The following CA10 variants were observed in gnomAD, a reference collection of about 807,000 sequenced individuals.
CA10 encodes the protein carbonic anhydrase-related protein 10.
In CA10, 14 loss-of-function variants were observed where a neutral mutation model predicts 44.2. That is an observed-to-expected ratio of 0.32 (90% CI 0.21 to 0.50). The LOEUF (loss-of-function observed/expected upper bound fraction) is 0.50, where lower values mean the gene tolerates loss of function less well. Among genes scored for constraint, CA10 ranks in the 20% least tolerant of loss-of-function variants. The pLI is 0.99. For missense variants in CA10, 350 were observed against 409.7 expected, an observed-to-expected ratio of 0.85 and a Z score of 1.26; for synonymous variants, 159 against 141.6, an observed-to-expected ratio of 1.12 and a Z score of -0.87.
intron 3 of CA10, among the ~76,000 whole-genome samples, chr17:51,836,226 A>G (rs1009125630): frequency 6.6e-6 from 1 of 152,226 alleles, no homozygotes; most frequent in African/African-American, 2.4e-5. Context: ...AAAGCAAGGC[A>G]TCCTGTCTAT....
chr17:51,934,128 T>A (rs1982772672), intron 2 of CA10, among the ~76,000 whole-genome samples: 3 of 152,154 alleles, frequency 2.0e-5, no homozygotes, highest in Non-Finnish European at 4.4e-5. Context: ...CCTGAACTGC[T>A]ATCTAAGTTT....
At chr17:51,695,346 GT>G (rs764587613) in intron 4 of CA10, among the ~76,000 whole-genome samples, 7 of 151,472 alleles carry the variant, frequency 4.6e-5, no homozygotes, top group Non-Finnish European at 7.4e-5. Context: ...GTTTTGTTTT[GT>G]TTTTGTTTTT....
At chr17:52,072,529 T>C in intron 1 of CA10, 136 bp from the exon 2 acceptor site, 1 of 478,682 alleles carries the variant, frequency 2.1e-6, no homozygotes, top group Non-Finnish European at 3.5e-6. Context: ...GAACCTTCCT[T>C]CTCCCTTCCC....
chr17:51,667,442 C>G (rs1004371335), intron 4 of CA10, among the ~76,000 whole-genome samples: 2 of 152,146 alleles, frequency 1.3e-5, no homozygotes, highest in African/African-American at 4.8e-5. Flanking sequence ...TTTAAAACAG[C>G]CCTTGTGGTA....
intron 2 of CA10, among the ~76,000 whole-genome samples, chr17:52,045,225 T>C (rs1986879258): frequency 6.6e-6 from 1 of 150,820 alleles, no homozygotes; most frequent in Admixed American, 6.6e-5. Flanking sequence ...ACACATTTTA[T>C]AAATAAAGGT....
At chr17:51,764,595 T>G (rs1905302182) in intron 3 of CA10, among the ~76,000 whole-genome samples, 1 of 152,166 alleles carries the variant, frequency 6.6e-6, no homozygotes, top group Admixed American at 6.5e-5. Context: ...TGCCCACAAC[T>G]GCGGTTCCCC....
At chr17:52,132,139 A>T (rs187789550) in intron 1 of CA10, among the ~76,000 whole-genome samples, 1 of 152,192 alleles carries the variant, frequency 6.6e-6, no homozygotes, top group East Asian at 1.9e-4. Context: ...CATAGGGCAC[A>T]TTATGTACAT....
intron 7 of CA10, among the ~76,000 whole-genome samples, chr17:51,634,182 G>T (rs1405726042): frequency 6.6e-6 from 1 of 152,260 alleles, no homozygotes; most frequent in African/African-American, 2.4e-5. Context: ...AGAGAAGAAT[G>T]AAGTGAATGT....
At chr17:52,135,635 A>G (rs1215703966) in intron 1 of CA10, among the ~76,000 whole-genome samples, 1 of 152,166 alleles carries the variant, frequency 6.6e-6, no homozygotes, top group Non-Finnish European at 1.5e-5. Context: ...GCAAGAGGCT[A>G]TGCTTCCTAG....
intron 3 of CA10, among the ~76,000 whole-genome samples, chr17:51,794,787 C>T (rs560985139): frequency 2.0e-5 from 3 of 152,272 alleles, no homozygotes; most frequent in African/African-American, 7.2e-5. Flanking sequence ...GAGTACAACC[C>T]AGGAAATGTA....
chr17:51,881,307 A>G (rs1276145727), intron 3 of CA10, among the ~76,000 whole-genome samples: 1 of 151,816 alleles, frequency 6.6e-6, no homozygotes, highest in African/African-American at 2.4e-5. Flanking sequence ...ATTTTGAGAT[A>G]GATTACGGAT....
chr17:51,929,316 T>C (rs756225200), intron 3 of CA10, among the ~76,000 whole-genome samples: 101 of 152,274 alleles, frequency 6.6e-4, no homozygotes, highest in Non-Finnish European at 1.4e-3. Context: ...TTGACACATT[T>C]TCCATCTCAA....
intron 2 of CA10, among the ~76,000 whole-genome samples, chr17:52,069,655 CCCAAA>C (rs779543401): frequency 6.0e-4 from 91 of 152,260 alleles, no homozygotes; most frequent in Non-Finnish European, 9.0e-4. Context: ...TTATTAACCG[CCCAAA>C]CTTGGTGCTC....
At chr17:52,000,643 T>C (rs1567915029) in intron 2 of CA10, among the ~76,000 whole-genome samples, 1 of 152,048 alleles carries the variant, frequency 6.6e-6, no homozygotes, top group Admixed American at 6.6e-5. Context: ...TGGCAAGTGG[T>C]ACAACAAGGA....
At chr17:51,968,842 T>G in intron 2 of CA10, among the ~76,000 whole-genome samples, 1 of 151,958 alleles carries the variant, frequency 6.6e-6, no homozygotes, top group East Asian at 1.9e-4. Flanking sequence ...TAGGAAAAAA[T>G]GATTTACTCA....
intron 1 of CA10, among the ~76,000 whole-genome samples, chr17:52,143,904 T>C (rs1263442505): frequency 6.6e-6 from 1 of 152,220 alleles, no homozygotes; most frequent in Non-Finnish European, 1.5e-5. Flanking sequence ...TTGTCTTTAC[T>C]TAACATCAAT....
intron 2 of CA10, among the ~76,000 whole-genome samples, chr17:51,953,920 C>T (rs7211060): frequency 0.14 from 21,244 of 152,082 alleles, 1,854 homozygotes; most frequent in South Asian, 0.31. Flanking sequence ...GGCAATTGCT[C>T]AGTGCTCCAA....
At chr17:52,159,472 C>G (rs928751699), upstream of CA10, 4 of 152,242 alleles carry the variant, frequency 2.6e-5, no homozygotes, top group East Asian at 7.7e-4. Flanking sequence ...ACGGGCTTCC[C>G]TTCTTGTCTT....
At chr17:51,839,709 A>C (rs897132990) in intron 3 of CA10, among the ~76,000 whole-genome samples, 2 of 152,110 alleles carry the variant, frequency 1.3e-5, no homozygotes, top group Admixed American at 6.5e-5. Flanking sequence ...ATTGGCCTAT[A>C]ATCGACTAAC....
Sources: gnomAD v4.1 joint callset for allele counts (sites outside exome capture counted in the v4.1 genomes callset) on GRCh38, gnomAD v4.1.1 for gene constraint, MANE v1.5 for transcripts, NCBI Gene and HGNC (gene_info 2026-07-23, HGNC 2026-07-21) for gene names.